The following SEC23B variants were observed in gnomAD, a reference collection of about 807,000 sequenced individuals.
The protein encoded by SEC23B is protein transport protein Sec23B.
SEC23B carries 77 observed loss-of-function variants against 104.3 expected under a neutral mutation model. That is an observed-to-expected ratio of 0.74 (90% CI 0.61 to 0.89). SEC23B has a LOEUF of 0.89. SEC23B is among the 40% of genes least tolerant of loss of function. The pLI is 0.00. For missense variants in SEC23B, 885 were observed against 949.4 expected (o/e 0.93, Z 0.89); for synonymous variants, 338 against 332.5 (o/e 1.02, Z -0.18).
chr20:18,513,876 C>G (rs987179532), intron 3 of SEC23B, among the ~76,000 whole-genome samples: 2 of 152,176 alleles, frequency 1.3e-5, no homozygotes, highest in Non-Finnish European at 2.9e-5. Flanking sequence ...GCTCTCAGAT[C>G]TACCACTTAT....
intron 15 of SEC23B, among the ~76,000 whole-genome samples, chr20:18,547,660 C>T (rs1375927137): frequency 1.3e-5 from 2 of 152,116 alleles, no homozygotes; most frequent in East Asian, 3.9e-4. Flanking sequence ...GCCCTGTGGC[C>T]TCCTCAGCCA....
intron 7 of SEC23B, 86 bp downstream of exon 7, chr20:18,526,018 G>A: frequency 7.0e-7 from 1 of 1,436,600 alleles, no homozygotes; most frequent in Non-Finnish European, 9.8e-7. Flanking sequence ...AAAATCACTT[G>A]TGATCTAAGT....
Position 18,525,830 on chromosome 20 carries a change from T to C in SEC23B, c.732T>C (p.Asp244=). 1.2e-6 allele frequency: 2 copies of C among 1,614,132 alleles called. No homozygotes were observed. Among genetic ancestry groups the C allele is most frequent in the Non-Finnish European group, 1.7e-6 (2 of 1,179,998 alleles). ...ACAAGATTGATATGAACCTCACTGATCTTCTTGGGGAGCTACAGAGGGACC... is the reference window on the plus strand; with the variant it reads ...ACAAGATTGATATGAACCTCACTGACCTTCTTGGGGAGCTACAGAGGGACC... ...PVHKIDMNLT[D]LLGELQRDPW... Residue 244 remains aspartate, a synonymous_variant, in exon 7 of 20, where the codon GAT becomes GAC. Transcript: ENST00000650089.
At chr20:18,556,912 C>T (rs781466340) in intron 19 of SEC23B, among the ~76,000 whole-genome samples, 10 of 152,224 alleles carry the variant, frequency 6.6e-5, no homozygotes, top group Non-Finnish European at 1.3e-4. Context: ...AGGAGAATTG[C>T]CTGAACCCAG....
At chr20:18,537,671 G>T (rs1441787380) in intron 12 of SEC23B, among the ~76,000 whole-genome samples, 7 of 152,024 alleles carry the variant, frequency 4.6e-5, no homozygotes, top group South Asian at 2.1e-4. Context: ...CACCAGCATG[G>T]CACATGTATA....
Position 18,561,017 on chromosome 20 carries a change from A to AT in SEC23B, c.*281dup, listed in dbSNP as rs879581145. 1.4e-4 allele frequency: 57 copies of AT among 413,760 alleles called. 1 individual carries two copies. Among genetic ancestry groups the AT allele is most frequent in the Admixed American group, 3.4e-4 (9 of 26,376 alleles). 25.6% of individuals were successfully genotyped at this position (413,760 alleles called of 1,614,324 possible). Reference sequence around the variant, plus strand: ...ATCTAAATAAAATCAGAGGTAATGTATTTTGGCAGCTTGTTTAGGTGAGAA... The same window carrying AT: ...ATCTAAATAAAATCAGAGGTAATGTATTTTTGGCAGCTTGTTTAGGTGAGAA... On this transcript the variant is annotated 3_prime_UTR_variant, in exon 20 of 20. Transcript: ENST00000650089.
At chr20:18,535,506 A>G (rs2060221479) in intron 11 of SEC23B, 147 bp from the exon 12 acceptor site, 1 of 657,432 alleles carries the variant, frequency 1.5e-6, no homozygotes, top group South Asian at 1.8e-5. Context: ...TTCTCTTTTC[A>G]GGAGAAGGTT....
chr20:18,531,859 G>A (rs965653941), intron 10 of SEC23B, among the ~76,000 whole-genome samples: 1 of 151,232 alleles, frequency 6.6e-6, no homozygotes, highest in African/African-American at 2.4e-5. Flanking sequence ...AGACCAGCCT[G>A]GGCAACATAG....
chr20:18,534,178 A>G (rs1477338458), intron 11 of SEC23B, among the ~76,000 whole-genome samples: 1 of 152,138 alleles, frequency 6.6e-6, no homozygotes, highest in Admixed American at 6.6e-5. Flanking sequence ...CCGACCTTTG[A>G]AAATAATTTG....
intron 17 of SEC23B, among the ~76,000 whole-genome samples, chr20:18,551,827 A>C (rs1007441163): frequency 6.6e-6 from 1 of 152,212 alleles, no homozygotes; most frequent in East Asian, 1.9e-4. Flanking sequence ...TTTTCTCCTC[A>C]GTAAATATTT....
At chr20:18,544,602 C>T (rs535619417) in intron 14 of SEC23B, among the ~76,000 whole-genome samples, 1 of 152,312 alleles carries the variant, frequency 6.6e-6, no homozygotes, top group Admixed American at 6.5e-5. Context: ...AGGGAAGGTA[C>T]ACCTTGATTG....
intron 14 of SEC23B, among the ~76,000 whole-genome samples, chr20:18,545,297 G>A (rs1365196231): frequency 6.6e-6 from 1 of 152,172 alleles, no homozygotes; most frequent in African/African-American, 2.4e-5. Context: ...GGGTTGGTTG[G>A]AGAGATTATG....
At chr20:18,509,062 T>C (rs529821703) in intron 1 of SEC23B, among the ~76,000 whole-genome samples, 2 of 152,276 alleles carry the variant, frequency 1.3e-5, no homozygotes, top group South Asian at 4.1e-4. Context: ...AGAGAGACGG[T>C]TATTTAATGA....
chr20:18,528,983 G>T (rs1030056252), intron 9 of SEC23B, among the ~76,000 whole-genome samples: 1 of 152,290 alleles, frequency 6.6e-6, no homozygotes, highest in South Asian at 2.1e-4. Flanking sequence ...CATATTCTTG[G>T]TTTCTTTGGT....
In SEC23B at chr20:18,555,804, G is replaced by A. The variant is rs537813125; in HGVS notation, c.2214+631G>A. ...AAAACTATAATACAGTATCACAACC[G>A]GGATATTGAGATTTTTAAGGTCAAG... is the stretch of plus-strand genomic sequence containing the variant. On this transcript the variant is annotated intron_variant, in intron 19 of 19. Coordinates refer to ENST00000650089, the MANE Select transcript of SEC23B (RefSeq NM_006363.6). Among the ~76,000 whole-genome samples, 27 of 151,964 alleles carry A rather than the reference G, an allele frequency of 1.8e-4. No individual in the cohort carries two copies. The South Asian group carries it at 4.0e-3, about 22-fold the overall frequency.
At chr20:18,547,011 T>A (rs1310710414) in intron 15 of SEC23B, among the ~76,000 whole-genome samples, 1 of 151,518 alleles carries the variant, frequency 6.6e-6, no homozygotes, top group Non-Finnish European at 1.5e-5. Flanking sequence ...CTTCTCTGGT[T>A]GTGCCTGTGT....
At chr20:18,551,638 C>G (rs561697884) in intron 17 of SEC23B, among the ~76,000 whole-genome samples, 15 of 151,968 alleles carry the variant, frequency 9.9e-5, no homozygotes, top group Admixed American at 4.6e-4. Context: ...CACTTAAACC[C>G]GGGAGGTTGA....
At chr20:18,549,665 A>C (rs1328742757) in intron 16 of SEC23B, among the ~76,000 whole-genome samples, 1 of 152,236 alleles carries the variant, frequency 6.6e-6, no homozygotes, top group Non-Finnish European at 1.5e-5. Context: ...ACAAAATATC[A>C]ATATTTGTTG....
intron 4 of SEC23B, among the ~76,000 whole-genome samples, chr20:18,520,030 A>G (rs898729166): frequency 3.3e-5 from 5 of 152,208 alleles, no homozygotes; most frequent in Non-Finnish European, 7.3e-5. Flanking sequence ...GTCCAAGTGA[A>G]AGCAAAGAGA....
Sources: allele counts gnomAD v4.1 joint callset (sites outside exome capture counted in the v4.1 genomes callset), GRCh38; gene constraint gnomAD v4.1.1; transcripts MANE v1.5; gene names NCBI Gene and HGNC (gene_info 2026-07-23, HGNC 2026-07-21).